Variants in CSMD2 observed in about 807,000 individuals in gnomAD.
CSMD2 encodes CUB and Sushi multiple domains 2.
In CSMD2, 130 loss-of-function variants were observed where a neutral mutation model predicts 398.5. That is an observed-to-expected ratio of 0.33 (90% confidence interval 0.28 to 0.38). CSMD2 has a LOEUF of 0.38. Ranked by LOEUF, CSMD2 falls within the 10% of genes least tolerant of loss-of-function variation. The pLI is 1.00. For missense variants in CSMD2, 3,829 were observed against 4,764.9 expected, an observed-to-expected ratio of 0.80 and a Z score of 5.78; for synonymous variants, 1,828 against 1,908.5, an observed-to-expected ratio of 0.96 and a Z score of 1.10.
chr1:33,517,450 C>T (rs986161501), intron 70 of CSMD2, among the ~76,000 whole-genome samples: 17 of 152,244 alleles, frequency 1.1e-4, no homozygotes, highest in African/African-American at 4.1e-4. Flanking sequence ...CAGCGGCATT[C>T]TTGTTTCTTT....
intron 3 of CSMD2, among the ~76,000 whole-genome samples, chr1:33,970,315 G>A (rs1221959427): frequency 6.6e-6 from 1 of 152,112 alleles, no homozygotes; most frequent in African/African-American, 2.4e-5. Context: ...ATGTGGTGAT[G>A]GTGCCCAAGA....
chr1:33,744,451 C>T (rs1452128878), intron 13 of CSMD2, among the ~76,000 whole-genome samples: 3 of 152,134 alleles, frequency 2.0e-5, no homozygotes, highest in Admixed American at 6.6e-5. Context: ...TGATCCCTGT[C>T]CACGTCCTGT....
chr1:34,067,245 T>C (rs1655217502), intron 2 of CSMD2, among the ~76,000 whole-genome samples: 1 of 152,210 alleles, frequency 6.6e-6, no homozygotes, highest in Admixed American at 6.5e-5. Context: ...ACACACATCA[T>C]TAGCCATAAA....
At chr1:34,138,730 C>T (rs1434524958) in intron 1 of CSMD2, among the ~76,000 whole-genome samples, 1 of 152,150 alleles carries the variant, frequency 6.6e-6, no homozygotes, top group Non-Finnish European at 1.5e-5. Flanking sequence ...TGCTTTCCAG[C>T]AAGTTTGTAA....
Position 33,671,998 on chromosome 1 carries a change from G to C in CSMD2, c.4053-8906C>G, listed in dbSNP as rs185439528. Reference sequence around the variant, plus strand: ...TTGCAAATTGGAAAGACATGCAAAGGGGGGTGGAGCCAAGATGGCCAAATA... The same window carrying C: ...TTGCAAATTGGAAAGACATGCAAAGCGGGGTGGAGCCAAGATGGCCAAATA... On this transcript the variant is annotated intron_variant, in intron 25 of 70. Transcript: ENST00000373381. 1.8e-3 allele frequency among the ~76,000 whole-genome samples: 272 copies of C among 152,178 alleles called. 1 individual carries two copies. Among genetic ancestry groups the C allele is most frequent in the African/African-American group, 5.9e-3 (244 of 41,524 alleles).
chr1:34,011,123 A>G lies in CSMD2; in HGVS notation c.517+21471T>C, dbSNP rs573449592. Among the ~76,000 whole-genome samples the G allele has an allele frequency of 3.3e-5, 5 of 152,238 alleles. No homozygotes were observed. In the South Asian group the frequency reaches 8.3e-4, roughly 25 times the overall value. On this transcript the variant is annotated intron_variant, in intron 3 of 70. Transcript: ENST00000373381. ...GTCACTGTGTTTTGACTACTGGTCT[A>G]GCCCCAAGCTGGGCTGGGGGCTCCA...
At chr1:33,889,222 T>A (rs1474855116) in intron 5 of CSMD2, among the ~76,000 whole-genome samples, 1 of 152,120 alleles carries the variant, frequency 6.6e-6, no homozygotes, top group Non-Finnish European at 1.5e-5. Context: ...AGAGCTCCTA[T>A]AAATGAATAG....
intron 12 of CSMD2, among the ~76,000 whole-genome samples, chr1:33,776,031 A>G (rs1249623827): frequency 6.6e-6 from 1 of 152,226 alleles, no homozygotes; most frequent in Non-Finnish European, 1.5e-5. Context: ...TGATGGGGCC[A>G]ATACCAAACA....
At chr1:33,542,182 C>T (rs1257159452) in intron 58 of CSMD2, among the ~76,000 whole-genome samples, 1 of 152,176 alleles carries the variant, frequency 6.6e-6, no homozygotes, top group East Asian at 1.9e-4. Flanking sequence ...TCACTTTTCC[C>T]AGAAAAGAAC....
At chr1:33,676,955 T>C (rs1020508915) in intron 25 of CSMD2, among the ~76,000 whole-genome samples, 9 of 152,214 alleles carry the variant, frequency 5.9e-5, no homozygotes, top group South Asian at 2.1e-4. Context: ...ATACAAAAAT[T>C]AATTCAAGAT....
intron 3 of CSMD2, among the ~76,000 whole-genome samples, chr1:33,979,767 T>C (rs1646098694): frequency 6.6e-6 from 1 of 152,126 alleles, no homozygotes; most frequent in Admixed American, 6.5e-5. Flanking sequence ...CAGACTATGA[T>C]GCAGGGGTTA....
chr1:33,696,837 C>T (rs1323261959), intron 24 of CSMD2, among the ~76,000 whole-genome samples: 1 of 152,106 alleles, frequency 6.6e-6, no homozygotes, highest in East Asian at 1.9e-4. Flanking sequence ...TTCTTCCCAC[C>T]CTTGAGTCTT....
chr1:33,819,665 G>T (rs772381466), intron 9 of CSMD2, 48 bp downstream of exon 9: 12 of 1,582,306 alleles, frequency 7.6e-6, no homozygotes, highest in Non-Finnish European at 1.0e-5. Flanking sequence ...CAGCCTCCAG[G>T]CTCAGCCCAA....
In CSMD2 at chr1:34,000,430, C is replaced by T. The variant is rs151099342; in HGVS notation, c.517+32164G>A. On this transcript the variant is annotated intron_variant, in intron 3 of 70. Transcript: ENST00000373381. ...AGACATCCATCCCCAAACCACCACACGCAGCAGCTTTGGCACAGAGCAAAG... is the reference window on the plus strand; with the variant it reads ...AGACATCCATCCCCAAACCACCACATGCAGCAGCTTTGGCACAGAGCAAAG... Among the ~76,000 whole-genome samples the T allele has an allele frequency of 3.7e-3, 566 of 152,204 alleles. 5 individuals are homozygous for T. The highest frequency in any genetic ancestry group is 0.013 in the African/African-American group (537 of 41,516).
At chr1:33,765,103 T>C (rs191322741) in intron 13 of CSMD2, among the ~76,000 whole-genome samples, 268 of 152,354 alleles carry the variant, frequency 1.8e-3, no homozygotes, top group Non-Finnish European at 1.5e-3. Context: ...TGTCTGGATA[T>C]GAGGGCTGTG....
At chr1:33,583,955 G>T in intron 46 of CSMD2, 125 bp from the exon 47 acceptor site, 1 of 738,320 alleles carries the variant, frequency 1.4e-6, no homozygotes, top group Non-Finnish European at 2.2e-6. Context: ...ATTCAGATAA[G>T]ATCCCACATC....
intron 5 of CSMD2, chr1:33,860,631 C>G (rs1216237666): frequency 6.6e-6 from 1 of 152,174 alleles, no homozygotes. Flanking sequence ...ATCCTCATGG[C>G]TTTATTATCA....
intron 53 of CSMD2, among the ~76,000 whole-genome samples, chr1:33,560,466 T>G (rs548222733): frequency 6.6e-6 from 1 of 152,338 alleles, no homozygotes; most frequent in Admixed American, 6.5e-5. Context: ...TTGGCTGCAC[T>G]GGCCTCTTGG....
In CSMD2 at chr1:33,633,566, C is replaced by T. The variant is rs1642602265; in HGVS notation, c.5087-31G>A. 7 of 1,501,574 alleles carry T rather than the reference C, an allele frequency of 4.7e-6. No individual in the cohort carries two copies. Among genetic ancestry groups the T allele is most frequent in the Non-Finnish European group, 6.4e-6 (7 of 1,101,486 alleles). 93.0% of individuals were successfully genotyped at this position (1,501,574 alleles called of 1,614,324 possible). A position where few individuals can be genotyped will look rare whatever the true frequency, so the allele number is the denominator to read the frequency against. On this transcript the variant is annotated intron_variant, in intron 31 of 70. Coordinates refer to ENST00000373381, the MANE Select transcript of CSMD2 (RefSeq NM_001281956.2). The surrounding 1 kb of genome is among the most constrained non-coding windows in gnomAD (Gnocchi z 5.0). ...GAGGAGACACAGTGTGGGGACTGGG[C>T]AGGCACGCTGGGGGCAGGAGAGGGG...
Sources: gnomAD v4.1 joint callset for allele counts (sites outside exome capture counted in the v4.1 genomes callset) on GRCh38, gnomAD v4.1.1 for gene constraint, Gnocchi (gnomAD v3.1) non-coding constraint, MANE v1.5 for transcripts, NCBI Gene and HGNC (gene_info 2026-07-23, HGNC 2026-07-21) for gene names.